Variants in ENTPD1 observed in about 807,000 individuals in gnomAD.
ENTPD1 encodes ATP diphosphohydrolase.
ENTPD1 carries 33 observed loss-of-function variants against 57.0 expected under a neutral mutation model. The observed-to-expected ratio is 0.58, with a 90% CI of 0.44 to 0.77. The LOEUF is 0.77. Ranked by LOEUF, ENTPD1 falls within the 30% of genes least tolerant of loss-of-function variation. The probability of loss-of-function intolerance (pLI) is 0.00; values close to 1 mark genes in which losing one functional copy is unlikely to be tolerated. For synonymous variants in ENTPD1, 202 were observed against 218.8 expected (o/e 0.92, Z 0.68); for missense variants, 501 against 603.4 (o/e 0.83, Z 1.78).
Position 95,847,566 on chromosome 10 carries a change from C to T in ENTPD1, c.934C>T (p.Gln312Ter). 1 of 1,614,124 alleles carries T rather than the reference C, an allele frequency of 6.2e-7. No homozygotes were observed. Among genetic ancestry groups the T allele is most frequent in the Non-Finnish European group, 8.5e-7 (1 of 1,180,024 alleles). The change falls in exon 7 of 10, where the codon CAG (glutamine) becomes TAG (stop). Residue 312 changes from glutamine (Q) to a stop codon, truncating the protein, a stop_gained. Transcript: ENST00000371205. LOFTEE classifies it high-confidence loss of function. Reference sequence around the variant, plus strand: ...GAGATTTGAGATGACTCTTCCATTCCAGCAGTTTGAAATCCAGGGTATTGG... The same window carrying T: ...GAGATTTGAGATGACTCTTCCATTCTAGCAGTTTGAAATCCAGGGTATTGG... ...TKRFEMTLPF[Q>*]QFEIQGIGNY...
chr10:95,743,758 G>A (rs1425820892), intron 1 of ENTPD1, among the ~76,000 whole-genome samples: 1 of 151,070 alleles, frequency 6.6e-6, no homozygotes, highest in African/African-American at 2.4e-5. Context: ...CCCCATCATT[G>A]TAAGCTTTTT....
chr10:95,706,673 G>C, the ENTPD1 span, among the ~76,000 whole-genome samples: 6 of 152,194 alleles, frequency 3.9e-5, no homozygotes, highest in Admixed American at 3.3e-4. Context: ...CCTCTGTCCT[G>C]CTCTGGCCAT....
At chr10:95,719,999 C>A (rs1458161270) in intron 1 of ENTPD1, among the ~76,000 whole-genome samples, 1 of 151,818 alleles carries the variant, frequency 6.6e-6, no homozygotes, top group African/African-American at 2.4e-5. Flanking sequence ...TATGGAGGGA[C>A]AATGGCCTCA....
intron 1 of ENTPD1, among the ~76,000 whole-genome samples, chr10:95,715,334 T>A (rs2097970315): frequency 6.6e-6 from 1 of 152,230 alleles, no homozygotes; most frequent in Non-Finnish European, 1.5e-5. Flanking sequence ...CTTGTCTTAA[T>A]GTGCCTTGTC....
Position 95,847,471 on chromosome 10 carries a change from A to C in ENTPD1, c.839A>C (p.Asp280Ala). Residue 280 changes from aspartate (D) to alanine (A), a missense_variant, in exon 7 of 10, where the codon GAC (aspartate) becomes GCC (alanine). Physicochemically the swap from Asp to Ala is moderately radical, Grantham distance 126. Transcript: ENST00000371205. ...IQVASNEILR[D>A]PCFHPGYKKV... is the part of the protein sequence containing the mutation. The stretch of plus-strand genomic sequence containing the variant: ...GTTGCAAGTAATGAAATTCTCAGGG[A>C]CCCATGCTTTCATCCTGGATATAAG... The C allele has an allele frequency of 1.2e-6, 2 of 1,614,110 alleles. No homozygotes were observed. The highest frequency in any genetic ancestry group is 1.7e-6 in the Non-Finnish European group (2 of 1,180,010).
At position 95,870,934 on chromosome 10, in the gene ENTPD1, G is replaced by A. The variant is rs1403157592; in HGVS notation, c.*4551G>A. The A allele has an allele frequency of 1.0e-6, 1 of 985,284 alleles. No homozygotes were observed. Among genetic ancestry groups the A allele is most frequent in the Non-Finnish European group, 1.2e-6 (1 of 829,926 alleles). The allele number at this position is 985,284 out of a possible 1,614,324, so 61.0% of individuals were successfully genotyped here. A position where few individuals can be genotyped will look rare whatever the true frequency, so the allele number is the denominator to read the frequency against. ...AGCTCTACTTCAGGTGGTAAGGGTG[G>A]ATCAGACCTATTCCATATACCTCTT... On this transcript the variant is annotated 3_prime_UTR_variant, in exon 10 of 10. Transcript: ENST00000371205.
At chr10:95,821,118 T>C (rs987455239) in intron 1 of ENTPD1, among the ~76,000 whole-genome samples, 16 of 152,342 alleles carry the variant, frequency 1.1e-4, no homozygotes, top group Non-Finnish European at 2.2e-4. Context: ...AGGGCTGTGT[T>C]TGTCAACATC....
At chr10:95,846,363 G>A (rs1335837213) in intron 6 of ENTPD1, 2 of 152,194 alleles carry the variant, frequency 1.3e-5, no homozygotes, top group Non-Finnish European at 2.9e-5. Flanking sequence ...GGGCCACAGA[G>A]CGAGACTCCA....
At chr10:95,729,895 A>T (rs185154373) in intron 1 of ENTPD1, among the ~76,000 whole-genome samples, 1 of 152,330 alleles carries the variant, frequency 6.6e-6, no homozygotes, top group Non-Finnish European at 1.5e-5. Context: ...CTTTTGTTTC[A>T]TGAATTTCTC....
chr10:95,848,803 G>T (rs1283484204), intron 7 of ENTPD1, among the ~76,000 whole-genome samples: 1 of 152,166 alleles, frequency 6.6e-6, no homozygotes, highest in Non-Finnish European at 1.5e-5. Context: ...AAAGAGAAAT[G>T]GATTAATATA....
Position 95,872,034 on chromosome 10 carries a change from A to G in ENTPD1, c.*5651A>G. On this transcript the variant is annotated 3_prime_UTR_variant, in exon 10 of 10. Transcript: ENST00000371205. Reference sequence around the variant, plus strand: ...ATGCCACCCCTGCCTCAATGAACCAAGATCAGCTCCATCACTGGGACCTCC... The same window carrying G: ...ATGCCACCCCTGCCTCAATGAACCAGGATCAGCTCCATCACTGGGACCTCC... 1.0e-6 allele frequency: 1 copy of G among 985,426 alleles called. No individual in the cohort carries two copies. Among genetic ancestry groups the G allele is most frequent in the Non-Finnish European group, 1.2e-6 (1 of 829,924 alleles). The allele number at this position is 985,426 out of a possible 1,614,324, so 61.0% of individuals were successfully genotyped here. A position where few individuals can be genotyped will look rare whatever the true frequency, so the allele number is the denominator to read the frequency against.
chr10:95,807,748 G>C lies in ENTPD1; in HGVS notation c.17-15489G>C, dbSNP rs558053154. On this transcript the variant is annotated intron_variant, in intron 1 of 9. Transcript: ENST00000371205. ...CTGATGTTGGTGTATGGAGTGTTAG[G>C]GAGCTTTGCACATTGATTTTGTATT... is the stretch of plus-strand genomic sequence containing the variant. 3.9e-5 allele frequency among the ~76,000 whole-genome samples: 6 copies of C among 152,276 alleles called. No individual in the cohort carries two copies. In the East Asian group the frequency reaches 9.6e-4, roughly 24 times the overall value.
chr10:95,709,405 C>T (rs773759740), upstream of ENTPD1, among the ~76,000 whole-genome samples: 20 of 151,256 alleles, frequency 1.3e-4, no homozygotes, highest in East Asian at 3.9e-4. Context: ...TTTTTTGAGA[C>T]GAAGTTTCGC....
intron 9 of ENTPD1, 81 bp downstream of exon 9, chr10:95,864,942 G>A: frequency 6.6e-7 from 1 of 1,516,420 alleles, no homozygotes; most frequent in East Asian, 2.3e-5. Flanking sequence ...TGAAAAAGGG[G>A]GGAGTCAGCA....
At position 95,872,804 on chromosome 10, in the gene ENTPD1, C is replaced by T. The variant is rs1239725332; in HGVS notation, c.*6421C>T. 2.0e-6 allele frequency: 2 copies of T among 985,318 alleles called. No homozygotes were observed. The highest frequency in any genetic ancestry group is 2.4e-6 in the Non-Finnish European group (2 of 829,938). The allele number at this position is 985,318 out of a possible 1,614,324, so 61.0% of individuals were successfully genotyped here. ...TCACTCTATTTATCTCTTGATGTAACCATCTTCTTTCTCCAGGTTTTAAGA... is the reference window on the plus strand; with the variant it reads ...TCACTCTATTTATCTCTTGATGTAATCATCTTCTTTCTCCAGGTTTTAAGA... On this transcript the variant is annotated 3_prime_UTR_variant, in exon 10 of 10. Transcript: ENST00000371205.
intron 2 of ENTPD1, 26 bp downstream of exon 2, chr10:95,823,390 G>A (rs1487327299): frequency 1.2e-6 from 2 of 1,613,408 alleles, no homozygotes; most frequent in South Asian, 2.2e-5. Flanking sequence ...CTGTGTGTTT[G>A]TGTGTATGTA....
chr10:95,822,982 T>C (rs1326706694), intron 1 of ENTPD1, among the ~76,000 whole-genome samples: 2 of 152,370 alleles, frequency 1.3e-5, no homozygotes, highest in East Asian at 1.9e-4. Flanking sequence ...CCTCATTCCA[T>C]ATCTGATCAC....
At chr10:95,859,320 C>G (rs1377449409) in intron 7 of ENTPD1, among the ~76,000 whole-genome samples, 3 of 152,192 alleles carry the variant, frequency 2.0e-5, no homozygotes, top group Non-Finnish European at 4.4e-5. Context: ...GTTTCTTTGC[C>G]TACCAAAACT....
intron 5 of ENTPD1, 147 bp from the exon 6 acceptor site, chr10:95,845,210 T>C (rs938072321): frequency 9.7e-7 from 1 of 1,028,242 alleles, no homozygotes; most frequent in Non-Finnish European, 1.5e-6. Flanking sequence ...TTGCTGATAA[T>C]CTGTTGTAGA....
Sources: allele counts gnomAD v4.1 joint callset (sites outside exome capture counted in the v4.1 genomes callset), GRCh38; gene constraint gnomAD v4.1.1; transcripts MANE v1.5; gene names NCBI Gene and HGNC (gene_info 2026-07-23, HGNC 2026-07-21).